Variants in NPEPPS observed in about 807,000 individuals in gnomAD.
The protein encoded by NPEPPS is puromycin-sensitive aminopeptidase.
Under a neutral mutation model 115.5 loss-of-function variants are expected in NPEPPS, and 14 were observed. The observed-to-expected ratio is 0.12, with a 90% CI of 0.08 to 0.19. NPEPPS has a LOEUF of 0.19. Among genes scored for constraint, NPEPPS ranks in the 10% least tolerant of loss-of-function variants. NPEPPS has a pLI of 1.00. For missense variants in NPEPPS, 523 were observed against 1,110.8 expected (o/e 0.47, Z 7.52); for synonymous variants, 285 against 390.6 (o/e 0.73, Z 3.19).
chr17:47,549,586 C>T (rs538743578), intron 2 of NPEPPS, among the ~76,000 whole-genome samples: 3 of 151,624 alleles, frequency 2.0e-5, no homozygotes, highest in Admixed American at 1.3e-4. Flanking sequence ...TTGAGAACAG[C>T]CTGGCCAACA....
rs773110580 is a variant in NPEPPS at position 47,579,370 on chromosome 17, T to G, written c.419-20T>G. 1 of 1,576,334 alleles carries G rather than the reference T, an allele frequency of 6.3e-7. No homozygotes were observed. Among genetic ancestry groups the G allele is most frequent in the Admixed American group, 1.9e-5 (1 of 51,796 alleles). ...TTTAACATCTCCATAAAAGTGTTTTTTATTTATCTTCAATCACAGGTACGG... is the reference window on the plus strand; with the variant it reads ...TTTAACATCTCCATAAAAGTGTTTTGTATTTATCTTCAATCACAGGTACGG... On this transcript the variant is annotated intron_variant, in intron 3 of 22. Transcript: ENST00000322157.
intron 19 of NPEPPS, among the ~76,000 whole-genome samples, chr17:47,616,867 A>G (rs1914240599): frequency 1.5e-5 from 2 of 135,552 alleles, no homozygotes; most frequent in South Asian, 4.4e-4. Flanking sequence ...TGTTTATTGA[A>G]AAAAAAAAAA....
chr17:47,568,805 A>G (rs1911000523), intron 2 of NPEPPS, among the ~76,000 whole-genome samples: 2 of 151,850 alleles, frequency 1.3e-5, no homozygotes, highest in Admixed American at 1.3e-4. Flanking sequence ...ACAGGCATGC[A>G]CCACCACAGC....
At chr17:47,580,168 A>G (rs1911788249) in intron 4 of NPEPPS, 1 of 152,130 alleles carries the variant, frequency 6.6e-6, no homozygotes. Flanking sequence ...GTTTCTGCCC[A>G]TATCCCTATA....
intron 9 of NPEPPS, among the ~76,000 whole-genome samples, chr17:47,588,917 C>A (rs915833067): frequency 6.6e-6 from 1 of 151,968 alleles, no homozygotes; most frequent in Middle Eastern, 3.2e-3. Context: ...CACTTAATAT[C>A]AAAATAATTT....
chr17:47,596,751 T>A (rs962291073), intron 13 of NPEPPS, among the ~76,000 whole-genome samples: 4 of 152,188 alleles, frequency 2.6e-5, no homozygotes, highest in Non-Finnish European at 5.9e-5. Context: ...TGGTTTAACA[T>A]TTTTTAAAAA....
chr17:47,614,851 T>A (rs1019766321), intron 19 of NPEPPS, among the ~76,000 whole-genome samples: 1 of 152,198 alleles, frequency 6.6e-6, no homozygotes, highest in African/African-American at 2.4e-5. Flanking sequence ...TGTCTCTACC[T>A]TTCATGGATT....
intron 1 of NPEPPS, among the ~76,000 whole-genome samples, chr17:47,541,597 G>C (rs569822853): frequency 7.2e-5 from 11 of 152,042 alleles, no homozygotes; most frequent in Non-Finnish European, 1.5e-4. Context: ...GGCTGGTCTC[G>C]AACCCCTGAC....
chr17:47,549,739 C>T (rs1245207018), intron 2 of NPEPPS, among the ~76,000 whole-genome samples: 2 of 145,242 alleles, frequency 1.4e-5, no homozygotes, highest in African/African-American at 5.1e-5. Flanking sequence ...GGAGATTGTG[C>T]CACTGCACTC....
chr17:47,596,552 T>C, intron 13 of NPEPPS, 90 bp downstream of exon 13: 1 of 691,888 alleles, frequency 1.4e-6, no homozygotes, highest in Non-Finnish European at 2.3e-6. Context: ...TACTTTAAGT[T>C]TTCTAGTGAC....
intron 3 of NPEPPS, among the ~76,000 whole-genome samples, chr17:47,570,034 T>C (rs1281730863): frequency 6.6e-6 from 1 of 152,196 alleles, no homozygotes; most frequent in African/African-American, 2.4e-5. Context: ...TATATTCTCT[T>C]TAAACGAACA....
At chr17:47,571,709 C>T (rs1194155948) in intron 3 of NPEPPS, among the ~76,000 whole-genome samples, 4 of 152,040 alleles carry the variant, frequency 2.6e-5, no homozygotes, top group Non-Finnish European at 5.9e-5. Context: ...CAGAGTGAGA[C>T]TCCGTCCCAA....
intron 22 of NPEPPS, among the ~76,000 whole-genome samples, chr17:47,621,338 AATGTTTAT>A (rs1914559826): frequency 6.6e-6 from 1 of 152,138 alleles, no homozygotes; most frequent in Non-Finnish European, 1.5e-5. Flanking sequence ...TATTTTGTCA[AATGTTTAT>A]ATGGATTGTC....
At chr17:47,545,737 T>C (rs3852825) in intron 1 of NPEPPS, among the ~76,000 whole-genome samples, 172 bp from the exon 2 acceptor site, 2 of 152,024 alleles carry the variant, frequency 1.3e-5, no homozygotes, top group South Asian at 4.1e-4. Flanking sequence ...TTTGTAGAGA[T>C]GGGGTTTCGC....
intron 3 of NPEPPS, among the ~76,000 whole-genome samples, chr17:47,578,343 C>G (rs989756497): frequency 6.6e-6 from 1 of 151,976 alleles, no homozygotes; most frequent in Non-Finnish European, 1.5e-5. Flanking sequence ...TAGTCATGCC[C>G]TATCTTTGAT....
intron 12 of NPEPPS, among the ~76,000 whole-genome samples, chr17:47,594,146 C>T (rs948313228): frequency 3.3e-5 from 5 of 151,996 alleles, no homozygotes; most frequent in Non-Finnish European, 7.4e-5. Flanking sequence ...CAGCGAAACG[C>T]GGTCTCAAAA....
intron 17 of NPEPPS, among the ~76,000 whole-genome samples, chr17:47,605,866 A>G (rs969934193): frequency 1.3e-5 from 2 of 151,982 alleles, no homozygotes; most frequent in African/African-American, 2.4e-5. Flanking sequence ...GTTTTGTTTT[A>G]TTTATTTATT....
chr17:47,571,147 G>A (rs1911167585), intron 3 of NPEPPS, among the ~76,000 whole-genome samples: 1 of 152,130 alleles, frequency 6.6e-6, no homozygotes, highest in African/African-American at 2.4e-5. Flanking sequence ...ACCCTGTAAA[G>A]TGCTTATTAT....
At chr17:47,568,630 G>A (rs1910987031) in intron 2 of NPEPPS, among the ~76,000 whole-genome samples, 1 of 151,600 alleles carries the variant, frequency 6.6e-6, no homozygotes, top group Non-Finnish European at 1.5e-5. Context: ...AATTCAATTT[G>A]CATACCTGTT....
Sources: allele counts gnomAD v4.1 joint callset (sites outside exome capture counted in the v4.1 genomes callset), GRCh38; gene constraint gnomAD v4.1.1; transcripts MANE v1.5; gene names NCBI Gene and HGNC (gene_info 2026-07-23, HGNC 2026-07-21).